PRKG1: variants seen among roughly 807,000 people sequenced by gnomAD.
The protein encoded by PRKG1 is protein kinase cGMP-dependent 1, also known as cGMP-dependent protein kinase 1.
A neutral mutation model predicts 88.1 loss-of-function variants in PRKG1; 35 were observed. The observed-to-expected ratio is 0.40, with a 90% CI of 0.30 to 0.53. PRKG1 has a LOEUF of 0.53. PRKG1 is among the 20% of genes least tolerant of loss of function. The probability of loss-of-function intolerance (pLI) is 0.59; values close to 1 mark genes in which losing one functional copy is unlikely to be tolerated. For missense variants in PRKG1, 540 were observed against 839.8 expected (o/e 0.64, Z 4.41); for synonymous variants, 303 against 292.5 (o/e 1.04, Z -0.37).
chr10:52,183,170 G>T (rs1201055049), intron 9 of PRKG1, among the ~76,000 whole-genome samples: 3 of 152,154 alleles, frequency 2.0e-5, no homozygotes, highest in East Asian at 3.9e-4. Context: ...TCCAACATTG[G>T]AGGTCACATT....
intron 3 of PRKG1, among the ~76,000 whole-genome samples, chr10:51,527,193 C>A: frequency 6.6e-6 from 1 of 151,796 alleles, no homozygotes. Context: ...AAAGACATAG[C>A]TGAGGAATGA....
chr10:51,603,963 T>C lies in PRKG1; in HGVS notation c.592+136127T>C, dbSNP rs536127024. Among the ~76,000 whole-genome samples, 39 of 152,232 alleles carry C rather than the reference T, an allele frequency of 2.6e-4. 1 individual carries two copies. The highest frequency in any genetic ancestry group is 9.2e-4 in the Admixed American group (14 of 15,284). On this transcript the variant is annotated intron_variant, in intron 3 of 17. Coordinates refer to ENST00000373980, the MANE Select transcript of PRKG1 (RefSeq NM_006258.4). The stretch of plus-strand genomic sequence containing the variant: ...AGTGGAAAGAACACTCCATCCGGAA[T>C]CCCAAGGTCTAGGTGTTTACCCCAC...
chr10:51,486,571 A>G (rs1363009020), intron 3 of PRKG1, among the ~76,000 whole-genome samples: 4 of 152,146 alleles, frequency 2.6e-5, no homozygotes, highest in Non-Finnish European at 4.4e-5. Flanking sequence ...GAATGGCTAC[A>G]TGTGAATAGC....
In PRKG1 at chr10:51,714,078, T is replaced by G. The variant is rs531952098; in HGVS notation, c.593-90507T>G. Among the ~76,000 whole-genome samples, 3 of 152,206 alleles carry G rather than the reference T, an allele frequency of 2.0e-5. No individual in the cohort carries two copies. In the East Asian group the frequency reaches 5.8e-4, roughly 29 times the overall value. On this transcript the variant is annotated intron_variant, in intron 3 of 17. Transcript: ENST00000373980. ...CACCGCAAGCTCCGCCTCCCAGGTT[T>G]GCGCCATTCTCCTGCCTCAGCCTCC...
intron 4 of PRKG1, 74 bp downstream of exon 4, chr10:51,804,764 GAATTTCA>G: frequency 9.6e-7 from 1 of 1,037,856 alleles, no homozygotes; most frequent in East Asian, 2.5e-5. Flanking sequence ...GCAGCACCCT[GAATTTCA>G]GGGTGCTTTT....
intron 3 of PRKG1, among the ~76,000 whole-genome samples, chr10:51,593,410 G>A (rs1838361706): frequency 6.6e-6 from 1 of 152,124 alleles, no homozygotes; most frequent in Non-Finnish European, 1.5e-5. Context: ...ACCAGTTCCA[G>A]CAACTGGTTT....
chr10:51,330,987 C>T (rs1271769878), intron 2 of PRKG1, among the ~76,000 whole-genome samples: 1 of 152,068 alleles, frequency 6.6e-6, no homozygotes, highest in Non-Finnish European at 1.5e-5. Flanking sequence ...GCACGGTGCT[C>T]CTCATAGTCT....
At chr10:51,607,169 C>T (rs943433365) in intron 3 of PRKG1, among the ~76,000 whole-genome samples, 1 of 152,188 alleles carries the variant, frequency 6.6e-6, no homozygotes, top group Non-Finnish European at 1.5e-5. Context: ...CACTGAGAGG[C>T]TTTAATGGAA....
chr10:51,009,374 C>A (rs768588589), intron 1 of PRKG1, among the ~76,000 whole-genome samples: 1 of 152,200 alleles, frequency 6.6e-6, no homozygotes, highest in Non-Finnish European at 1.5e-5. Context: ...ACATTATTCT[C>A]TGCATTTAAA....
intron 2 of PRKG1, among the ~76,000 whole-genome samples, chr10:51,269,986 A>G (rs1839935790): frequency 6.6e-6 from 1 of 152,182 alleles, no homozygotes; most frequent in African/African-American, 2.4e-5. Context: ...CACATAGAAA[A>G]CCACAGAGAT....
chr10:52,090,960 G>A (rs1847042145), intron 7 of PRKG1, among the ~76,000 whole-genome samples: 1 of 152,074 alleles, frequency 6.6e-6, no homozygotes, highest in Admixed American at 6.5e-5. Context: ...TGACATACCT[G>A]TGTTAGTTTT....
intron 3 of PRKG1, among the ~76,000 whole-genome samples, chr10:51,762,491 A>G (rs1838044497): frequency 6.6e-6 from 1 of 152,228 alleles, no homozygotes; most frequent in Non-Finnish European, 1.5e-5. Flanking sequence ...TCAATAGTAT[A>G]TTCAATCGAC....
intron 5 of PRKG1, among the ~76,000 whole-genome samples, chr10:51,939,592 ATTT>A (rs11301177): frequency 1.8e-4 from 26 of 148,022 alleles, no homozygotes; most frequent in African/African-American, 4.5e-4. Flanking sequence ...TATAAACTTA[ATTT>A]TTTTTTTTTT....
intron 2 of PRKG1, among the ~76,000 whole-genome samples, chr10:51,287,887 C>A (rs751771264): frequency 6.6e-6 from 1 of 151,960 alleles, no homozygotes; most frequent in Admixed American, 6.5e-5. Context: ...AAGATTTGTT[C>A]TTTACTCCTA....
intron 1 of PRKG1, among the ~76,000 whole-genome samples, chr10:51,000,147 G>A (rs1842874182): frequency 6.6e-6 from 1 of 152,172 alleles, no homozygotes; most frequent in Admixed American, 6.5e-5. Context: ...ACAATGGTGT[G>A]TATTTGATTA....
chr10:51,011,478 T>C (rs1035647163), intron 1 of PRKG1, among the ~76,000 whole-genome samples: 1 of 152,194 alleles, frequency 6.6e-6, no homozygotes, highest in Non-Finnish European at 1.5e-5. Flanking sequence ...CCTAGAAACC[T>C]TGAAACTTCA....
intron 1 of PRKG1, among the ~76,000 whole-genome samples, chr10:50,997,746 G>A (rs1337335365): frequency 6.6e-6 from 1 of 152,148 alleles, no homozygotes; most frequent in Non-Finnish European, 1.5e-5. Context: ...AGAAGTTTGG[G>A]AATTGTCAGA....
intron 3 of PRKG1, among the ~76,000 whole-genome samples, chr10:51,775,558 A>G (rs1043144353): frequency 6.6e-6 from 1 of 151,278 alleles, no homozygotes; most frequent in Non-Finnish European, 1.5e-5. Context: ...GAGGAAGCCC[A>G]GTTCTTTAAT....
intron 3 of PRKG1, among the ~76,000 whole-genome samples, chr10:51,785,730 T>C (rs1043309893): frequency 3.3e-5 from 5 of 152,116 alleles, no homozygotes; most frequent in Non-Finnish European, 5.9e-5. Flanking sequence ...TCAATACATG[T>C]CTGTATTTGA....
Sources: gnomAD v4.1 joint callset for allele counts (sites outside exome capture counted in the v4.1 genomes callset) on GRCh38, gnomAD v4.1.1 for gene constraint, MANE v1.5 for transcripts, NCBI Gene and HGNC (gene_info 2026-07-23, HGNC 2026-07-21) for gene names.